DNAJC1: variants seen among roughly 807,000 people sequenced by gnomAD.
DNAJC1 encodes DnaJ heat shock protein family (Hsp40) member C1.
A neutral mutation model predicts 76.6 loss-of-function variants in DNAJC1; 58 were observed. The ratio of observed to expected loss-of-function variants is 0.76; its 90% CI spans 0.61 to 0.94. The LOEUF is 0.94. Ranked by LOEUF, DNAJC1 falls within the 40% of genes least tolerant of loss-of-function variation. The pLI is 0.00. For missense variants in DNAJC1, 689 were observed against 677.3 expected (o/e 1.02, Z -0.19); for synonymous variants, 258 against 267.9 (o/e 0.96, Z 0.36).
At chr10:21,838,091 C>G (rs1016980124) in intron 8 of DNAJC1, among the ~76,000 whole-genome samples, 1 of 151,850 alleles carries the variant, frequency 6.6e-6, no homozygotes, top group East Asian at 1.9e-4. Flanking sequence ...GTGAGGAGCC[C>G]CTCTGCCCGG....
At chr10:21,791,697 A>G (rs964355678) in intron 9 of DNAJC1, among the ~76,000 whole-genome samples, 3 of 152,182 alleles carry the variant, frequency 2.0e-5, no homozygotes, top group Non-Finnish European at 4.4e-5. Context: ...AACAAACGAA[A>G]TTAAAAACAC....
chr10:21,764,305 C>T (rs1268719072), intron 10 of DNAJC1, among the ~76,000 whole-genome samples: 1 of 152,188 alleles, frequency 6.6e-6, no homozygotes, highest in African/African-American at 2.4e-5. Context: ...CACATATGTG[C>T]ATCAGAAAAG....
At chr10:21,863,145 C>T (rs1835943995) in intron 8 of DNAJC1, among the ~76,000 whole-genome samples, 1 of 151,588 alleles carries the variant, frequency 6.6e-6, no homozygotes, top group Admixed American at 6.6e-5. Flanking sequence ...AAAAAACAAA[C>T]AAACAAACAA....
chr10:21,812,409 T>C (rs1485571840), intron 8 of DNAJC1, among the ~76,000 whole-genome samples: 1 of 152,168 alleles, frequency 6.6e-6, no homozygotes, highest in African/African-American at 2.4e-5. Flanking sequence ...AGTGAATGCT[T>C]TCTTGAAGTA....
At chr10:21,999,451 CTTTTT>C (rs140026558) in intron 1 of DNAJC1, among the ~76,000 whole-genome samples, 5 of 94,044 alleles carry the variant, frequency 5.3e-5, no homozygotes, top group African/African-American at 8.5e-5. Flanking sequence ...CTTCTTGACT[CTTTTT>C]TTTTTTTTTT....
chr10:21,892,370 C>A lies in DNAJC1; in HGVS notation c.821-9931G>T, dbSNP rs961651317. ...ATTGTCTATTTAACACACACACACACACACACACACACGGTCTTTCATCTT... is the reference window on the plus strand; with the variant it reads ...ATTGTCTATTTAACACACACACACAAACACACACACACGGTCTTTCATCTT... On this transcript the variant is annotated intron_variant, in intron 7 of 11. Transcript: ENST00000376980. 5.9e-5 allele frequency among the ~76,000 whole-genome samples: 9 copies of A among 151,406 alleles called. No homozygotes were observed. The South Asian group carries it at 1.9e-3, about 32-fold the overall frequency.
At chr10:21,887,769 A>C (rs1836391657) in intron 7 of DNAJC1, among the ~76,000 whole-genome samples, 1 of 152,210 alleles carries the variant, frequency 6.6e-6, no homozygotes, top group Non-Finnish European at 1.5e-5. Flanking sequence ...CATAAAACCC[A>C]AAACTATAAA....
intron 7 of DNAJC1, among the ~76,000 whole-genome samples, chr10:21,897,804 G>T (rs1449636595): frequency 6.6e-6 from 1 of 152,076 alleles, no homozygotes; most frequent in Non-Finnish European, 1.5e-5. Context: ...TCCCCTTAAG[G>T]TTTGGAATAA....
At chr10:21,973,756 AAG>A (rs903116659) in intron 1 of DNAJC1, among the ~76,000 whole-genome samples, 25 of 152,084 alleles carry the variant, frequency 1.6e-4, no homozygotes, top group African/African-American at 5.8e-4. Flanking sequence ...AAAAGAAAAA[AAG>A]AAAAAAGAAG....
intron 6 of DNAJC1, among the ~76,000 whole-genome samples, chr10:21,908,707 T>C (rs1473404079): frequency 1.3e-5 from 2 of 152,002 alleles, no homozygotes; most frequent in African/African-American, 2.4e-5. Flanking sequence ...ATTAAATGCT[T>C]ACTTCAATTG....
chr10:21,912,344 C>A (rs1190530677), intron 6 of DNAJC1, among the ~76,000 whole-genome samples: 3 of 152,076 alleles, frequency 2.0e-5, no homozygotes, highest in African/African-American at 7.2e-5. Flanking sequence ...TTGCTAACAT[C>A]CTACCTAACA....
chr10:21,862,803 C>G (rs1471334624), intron 8 of DNAJC1, among the ~76,000 whole-genome samples: 1 of 151,946 alleles, frequency 6.6e-6, no homozygotes, highest in Non-Finnish European at 1.5e-5. Context: ...AGGAAGTTCT[C>G]AAATCAACCT....
intron 1 of DNAJC1, among the ~76,000 whole-genome samples, chr10:21,978,631 C>T (rs925956941): frequency 6.6e-6 from 1 of 152,008 alleles, no homozygotes; most frequent in Non-Finnish European, 1.5e-5. Flanking sequence ...TCAAAGATTC[C>T]ACAAAACCTG....
At chr10:21,830,887 C>A (rs553293881) in intron 8 of DNAJC1, among the ~76,000 whole-genome samples, 1 of 152,212 alleles carries the variant, frequency 6.6e-6, no homozygotes, top group East Asian at 1.9e-4. Flanking sequence ...CATTTCATTT[C>A]TAAAAGTTCT....
intron 9 of DNAJC1, among the ~76,000 whole-genome samples, chr10:21,789,801 G>C (rs1174123227): frequency 6.6e-6 from 1 of 152,030 alleles, no homozygotes; most frequent in Non-Finnish European, 1.5e-5. Flanking sequence ...CATGAAGCCA[G>C]GAGTTCAAGA....
At chr10:21,766,139 C>T in intron 10 of DNAJC1, 122 bp downstream of exon 10, 1 of 768,008 alleles carries the variant, frequency 1.3e-6, no homozygotes, top group Non-Finnish European at 2.2e-6. Flanking sequence ...GGAGATATGA[C>T]CAGATTTAGA....
At chr10:21,852,906 T>G (rs1835779332) in intron 8 of DNAJC1, among the ~76,000 whole-genome samples, 1 of 152,182 alleles carries the variant, frequency 6.6e-6, no homozygotes. Context: ...TCAGATCATT[T>G]GAGTTCTGAC....
intron 6 of DNAJC1, among the ~76,000 whole-genome samples, chr10:21,907,745 G>C (rs1030992631): frequency 9.2e-5 from 14 of 151,726 alleles, no homozygotes; most frequent in African/African-American, 3.4e-4. Flanking sequence ...GGGAAGCCCA[G>C]GTGGGCGGAT....
chr10:21,941,605 G>A (rs1405756815), intron 1 of DNAJC1, among the ~76,000 whole-genome samples: 1 of 151,972 alleles, frequency 6.6e-6, no homozygotes, highest in African/African-American at 2.4e-5. Flanking sequence ...GATTAATATA[G>A]GAATTCATTA....
Sources: gnomAD v4.1 joint callset for allele counts (sites outside exome capture counted in the v4.1 genomes callset) on GRCh38, gnomAD v4.1.1 for gene constraint, MANE v1.5 for transcripts, NCBI Gene and HGNC (gene_info 2026-07-23, HGNC 2026-07-21) for gene names.